Variants in SPOCK3 observed in about 807,000 individuals in gnomAD.
SPOCK3 encodes the protein SPARC (osteonectin), cwcv and kazal like domains proteoglycan 3, also known as testican-3.
Under a neutral mutation model 56.6 loss-of-function variants are expected in SPOCK3, and 30 were observed. The ratio of observed to expected loss-of-function variants is 0.53; its 90% CI spans 0.40 to 0.72. The LOEUF is 0.72. Ranked by LOEUF, SPOCK3 falls within the 30% of genes least tolerant of loss-of-function variation. The pLI is 0.00. For synonymous variants in SPOCK3, 196 were observed against 183.3 expected (o/e 1.07, Z -0.56); for missense variants, 527 against 530.0 (o/e 0.99, Z 0.06).
chr4:167,083,447 C>T (rs1757903901), intron 2 of SPOCK3, among the ~76,000 whole-genome samples: 1 of 152,138 alleles, frequency 6.6e-6, no homozygotes, highest in South Asian at 2.1e-4. Context: ...CCCAGTGCTT[C>T]TATCTACAAT....
chr4:167,100,504 C>CAA (rs1484152796), intron 2 of SPOCK3, among the ~76,000 whole-genome samples: 2 of 150,658 alleles, frequency 1.3e-5, no homozygotes, highest in Non-Finnish European at 3.0e-5. Flanking sequence ...CACACACACA[C>CAA]AACCCTCATT....
At chr4:166,738,034 T>C (rs17519417) in intron 9 of SPOCK3, among the ~76,000 whole-genome samples, 69,384 of 152,044 alleles carry the variant, frequency 0.46, 16,331 homozygotes, top group African/African-American at 0.5. Context: ...AAATGTTCAT[T>C]CCTATATTCC....
intron 2 of SPOCK3, among the ~76,000 whole-genome samples, chr4:167,127,920 A>G (rs1475525455): frequency 6.6e-6 from 1 of 152,260 alleles, no homozygotes; most frequent in Admixed American, 6.5e-5. Context: ...TTGTGACAAC[A>G]GTCAGAGGAA....
chr4:167,194,688 T>TATC (rs1441875837), intron 2 of SPOCK3, among the ~76,000 whole-genome samples: 1 of 152,172 alleles, frequency 6.6e-6, no homozygotes, highest in Non-Finnish European at 1.5e-5. Flanking sequence ...CATGGTCCAA[T>TATC]ATCAGGTCCC....
At chr4:166,743,486 A>C (rs1735144028) in intron 8 of SPOCK3, among the ~76,000 whole-genome samples, 1 of 152,168 alleles carries the variant, frequency 6.6e-6, no homozygotes, top group Non-Finnish European at 1.5e-5. Flanking sequence ...AAGAAAGAGA[A>C]TCATTCCAAG....
At chr4:167,220,431 T>G (rs1019379947) in intron 2 of SPOCK3, among the ~76,000 whole-genome samples, 1 of 143,130 alleles carries the variant, frequency 7.0e-6, no homozygotes, top group Non-Finnish European at 1.5e-5. Flanking sequence ...CAGGCTGCAG[T>G]GCAGTGGTGT....
intron 7 of SPOCK3, among the ~76,000 whole-genome samples, chr4:166,766,355 A>G (rs1441790739): frequency 6.6e-6 from 1 of 152,206 alleles, no homozygotes; most frequent in East Asian, 1.9e-4. Flanking sequence ...ATTTTGAGAT[A>G]CATCCCATCA....
At chr4:166,924,875 A>T (rs1738902511) in intron 4 of SPOCK3, among the ~76,000 whole-genome samples, 1 of 152,218 alleles carries the variant, frequency 6.6e-6, no homozygotes, top group South Asian at 2.1e-4. Context: ...ATAAAATAAT[A>T]ACACTTTTTT....
intron 2 of SPOCK3, among the ~76,000 whole-genome samples, chr4:167,160,300 A>G (rs1765180208): frequency 6.6e-6 from 1 of 152,176 alleles, no homozygotes; most frequent in African/African-American, 2.4e-5. Context: ...AATTGCTTCA[A>G]AGAGAAGAAA....
At chr4:167,206,100 G>A (rs1275629655) in intron 2 of SPOCK3, among the ~76,000 whole-genome samples, 1 of 151,902 alleles carries the variant, frequency 6.6e-6, no homozygotes, top group Non-Finnish European at 1.5e-5. Context: ...GGGGAGGGTG[G>A]ATCACTTGAG....
At position 166,796,284 on chromosome 4, in the gene SPOCK3, T is replaced by C. The variant is rs138973259; in HGVS notation, c.590-3995A>G. On this transcript the variant is annotated intron_variant, in intron 6 of 10. Coordinates refer to ENST00000357545, the MANE Select transcript of SPOCK3 (RefSeq NM_001040159.2). ...ATTTATTAAAGAATGAATATACTCA[T>C]ATCTGGCAATATGAGTTGTTAATTA... Among the ~76,000 whole-genome samples the C allele has an allele frequency of 4.6e-3, 693 of 152,300 alleles. 3 individuals are homozygous for C. Among genetic ancestry groups the C allele is most frequent in the Non-Finnish European group, 7.9e-3 (534 of 68,024 alleles).
intron 3 of SPOCK3, among the ~76,000 whole-genome samples, chr4:167,008,712 A>G (rs571883966): frequency 9.9e-5 from 15 of 152,156 alleles, no homozygotes; most frequent in African/African-American, 3.6e-4. Flanking sequence ...GCTGGAGGCC[A>G]TTATTCTAAG....
At chr4:166,943,542 C>A (rs1741362408) in intron 4 of SPOCK3, among the ~76,000 whole-genome samples, 1 of 152,062 alleles carries the variant, frequency 6.6e-6, no homozygotes, top group South Asian at 2.1e-4. Context: ...AGGCTAAAAA[C>A]CTCAAGTAGT....
intron 2 of SPOCK3, among the ~76,000 whole-genome samples, chr4:167,159,954 G>A (rs886378193): frequency 1.3e-5 from 2 of 152,032 alleles, no homozygotes; most frequent in Admixed American, 6.6e-5. Context: ...GGCAAAAACT[G>A]GAAGCATTCC....
rs184274341 is a variant in SPOCK3, at chr4:166,772,700, G to A, written c.710-17971C>T. 1.7e-3 allele frequency among the ~76,000 whole-genome samples: 262 copies of A among 152,276 alleles called. 1 individual carries two copies. The highest frequency in any genetic ancestry group is 5.8e-3 in the African/African-American group (242 of 41,574). On this transcript the variant is annotated intron_variant, in intron 7 of 10. Transcript: ENST00000357545. ...TGAACTTTTAAATAATTCAGAAACA[G>A]TAAACTGCAGAGCTGTGCAAAAACT...
rs1736477732 is a variant in SPOCK3 at position 167,225,239 on chromosome 4, G to T, written c.189+8746C>A. 2.0e-5 allele frequency among the ~76,000 whole-genome samples: 3 copies of T among 151,948 alleles called. 1 individual carries two copies. The highest frequency in any genetic ancestry group is 6.6e-5 in the Admixed American group (1 of 15,228). On this transcript the variant is annotated intron_variant, in intron 2 of 10. Coordinates refer to ENST00000357545, the MANE Select transcript of SPOCK3 (RefSeq NM_001040159.2). The stretch of plus-strand genomic sequence containing the variant: ...ATAATAGTGCTATTTCTGAAGGAGG[G>T]AATAAAAATTTTTATTAGGCCATTA...
intron 4 of SPOCK3, among the ~76,000 whole-genome samples, chr4:166,946,850 C>A (rs937309305): frequency 2.6e-5 from 4 of 152,124 alleles, no homozygotes; most frequent in African/African-American, 9.7e-5. Context: ...TCTGGCACAT[C>A]GTAGATGAAC....
chr4:167,068,973 C>G (rs1580192205), intron 2 of SPOCK3, among the ~76,000 whole-genome samples: 1 of 151,876 alleles, frequency 6.6e-6, no homozygotes, highest in East Asian at 2.0e-4. Context: ...ACATAGGAAC[C>G]CAAAAATTTA....
intron 4 of SPOCK3, among the ~76,000 whole-genome samples, chr4:166,924,091 T>C (rs1168203914): frequency 6.6e-6 from 1 of 152,164 alleles, no homozygotes; most frequent in Non-Finnish European, 1.5e-5. Flanking sequence ...AGGTTGACAT[T>C]AGCTTGCCCG....
Sources: allele counts gnomAD v4.1 joint callset (sites outside exome capture counted in the v4.1 genomes callset), GRCh38; gene constraint gnomAD v4.1.1; transcripts MANE v1.5; gene names NCBI Gene and HGNC (gene_info 2026-07-23, HGNC 2026-07-21).